The following TAP1 variants were observed in gnomAD, a reference collection of about 807,000 sequenced individuals.
TAP1 encodes transporter 1, ATP binding cassette subfamily B member.
In TAP1, 56 loss-of-function variants were observed where a neutral mutation model predicts 79.3. That is an observed-to-expected ratio of 0.71 (90% CI 0.57 to 0.88). The LOEUF (loss-of-function observed/expected upper bound fraction) is 0.88, where lower values mean the gene tolerates loss of function less well. Among genes scored for constraint, TAP1 ranks in the 40% least tolerant of loss-of-function variants. The pLI is 0.00. For missense variants in TAP1, 737 were observed against 936.3 expected (o/e 0.79, Z 2.78); for synonymous variants, 355 against 401.4 (o/e 0.88, Z 1.38).
rs541148983 is a variant in TAP1 at position 32,845,503 on chromosome 6, T to G, written c.*76A>C. The G allele has an allele frequency of 4.1e-3, 6,132 of 1,498,874 alleles. 45 individuals are homozygous for G. The Middle Eastern group carries it at 0.046, about 11-fold the overall frequency. The allele number at this position is 1,498,874 out of a possible 1,614,324, so 92.8% of individuals were successfully genotyped here. ...GTAACTCATCCTGGAGGCAGCTGCC[T>G]ACTCTGCAGCTGTGGTTCTCCACCA... On this transcript the variant is annotated 3_prime_UTR_variant, in exon 11 of 11. Transcript: ENST00000354258. This position sits in a 1 kb window ranked among gnomAD's most constrained non-coding sequence, Gnocchi z 4.5.
In TAP1 at chr6:32,847,467, A is replaced by G; in HGVS notation, c.1903+46T>C. 6.2e-7 allele frequency: 1 copy of G among 1,612,490 alleles called. No individual in the cohort carries two copies. Among genetic ancestry groups the G allele is most frequent in the Non-Finnish European group, 8.5e-7 (1 of 1,179,854 alleles). ...ATAAAGGCAAGACTACTGGGGTTTC[A>G]GCAAAGGTAAAGATGGCTGGGTGGT... On this transcript the variant is annotated intron_variant, in intron 9 of 10. Transcript: ENST00000354258. The surrounding 1 kb of genome is among the most constrained non-coding windows in gnomAD (Gnocchi z 4.7).
chr6:32,851,937 G>GAGAGAGAGAGAGAC lies in TAP1; in HGVS notation c.844+171_844+172insGTCTCTCTCTCTCT, dbSNP rs1554246378. Reference sequence around the variant, plus strand: ...TGTGTGTGTGTGTGAGAGAGAGAGAGAGAGAGACAGAGACAGAGAGAGAGA... The same window carrying GAGAGAGAGAGAGAC: ...TGTGTGTGTGTGTGAGAGAGAGAGAGAGAGAGAGAGAGACAGAGAGACAGAGACAGAGAGAGAGA... On this transcript the variant is annotated intron_variant, in intron 3 of 10. Transcript: ENST00000354258. This position sits in a 1 kb window ranked among gnomAD's most constrained non-coding sequence, Gnocchi z 4.8. Among the ~76,000 whole-genome samples, 6 of 151,224 alleles carry GAGAGAGAGAGAGAC rather than the reference G, an allele frequency of 4.0e-5. No individual in the cohort carries two copies. The highest frequency in any genetic ancestry group is 5.9e-5 in the Non-Finnish European group (4 of 67,828).
In TAP1 at chr6:32,848,360, C is replaced by T. The variant is rs17220220; in HGVS notation, c.1567-268G>A. ...ACCAGGAAAGGGAAAAATCACATTC[C>T]AAATTACAAAGGAAAAGGAAAGATG... On this transcript the variant is annotated intron_variant, in intron 7 of 10. Transcript: ENST00000354258. 21,247 of 620,408 alleles carry T rather than the reference C, an allele frequency of 0.034. 905 individuals are homozygous for T. The highest frequency in any genetic ancestry group is 0.14 in the African/African-American group (7,432 of 54,308). 38.4% of individuals were successfully genotyped at this position (620,408 alleles called of 1,614,324 possible).
Position 32,852,425 on chromosome 6 carries a change from G to T in TAP1, c.676C>A (p.Arg226=). The T allele has an allele frequency of 3.7e-6, 6 of 1,613,034 alleles. No individual in the cohort carries two copies. Among genetic ancestry groups the T allele is most frequent in the Non-Finnish European group, 5.1e-6 (6 of 1,180,032 alleles). Residue 226 remains arginine, a synonymous_variant, in exon 2 of 11, where the codon CGA becomes AGA. Coordinates refer to ENST00000354258, the MANE Select transcript of TAP1 (RefSeq NM_000593.6). The surrounding 1 kb of genome is among the most constrained non-coding windows in gnomAD (Gnocchi z 4.8). Reference sequence around the variant, plus strand: ...AGAATGGACATGAGAGTTAAGTTTCGAGTGAAGGTATCGGCTGAGCCATCT... The same window carrying T: ...AGAATGGACATGAGAGTTAAGTTTCTAGTGAAGGTATCGGCTGAGCCATCT... ...LQDGSADTFT[R]NLTLMSILTI...
At position 32,850,936 on chromosome 6, in the gene TAP1, G is replaced by C; in HGVS notation, c.1050+8C>G. ...TCTGTGTAGAGCGGGCCAACTCCATGAACATACCTGGTACCATTTTCCCAC... is the reference window on the plus strand; with the variant it reads ...TCTGTGTAGAGCGGGCCAACTCCATCAACATACCTGGTACCATTTTCCCAC... On this transcript the variant is annotated splice_region_variant and intron_variant, in intron 4 of 10. Coordinates refer to ENST00000354258, the MANE Select transcript of TAP1 (RefSeq NM_000593.6). This position sits in a 1 kb window ranked among gnomAD's most constrained non-coding sequence, Gnocchi z 5.5. The C allele has an allele frequency of 6.2e-7, 1 of 1,610,894 alleles. No homozygotes were observed. Among genetic ancestry groups the C allele is most frequent in the Non-Finnish European group, 8.5e-7 (1 of 1,179,312 alleles).
chr6:32,853,214 A>T lies in TAP1; in HGVS notation c.423T>A (p.Val141=). Residue 141 remains valine, a synonymous_variant, in exon 1 of 11, where the codon GTT becomes GTA. Transcript: ENST00000354258. The surrounding 1 kb of genome is among the most constrained non-coding windows in gnomAD (Gnocchi z 8.3). ...CGGGCAGTGCCGCTGCATAACTGAC[A>T]ACGAAGGCGGTAGGGTGACTTCCCC... ...LHWGSHPTAF[V]VSYAAALPAA... 6.2e-7 allele frequency: 1 copy of T among 1,611,268 alleles called. No homozygotes were observed. Among genetic ancestry groups the T allele is most frequent in the Non-Finnish European group, 8.5e-7 (1 of 1,179,204 alleles).
chr6:32,845,500 G>C lies in TAP1; in HGVS notation c.*79C>G. 2.0e-6 allele frequency: 3 copies of C among 1,503,786 alleles called. No individual in the cohort carries two copies. In the South Asian group the frequency reaches 3.4e-5, roughly 17 times the overall value. The allele number at this position is 1,503,786 out of a possible 1,614,324, so 93.2% of individuals were successfully genotyped here. On this transcript the variant is annotated 3_prime_UTR_variant, in exon 11 of 11. Coordinates refer to ENST00000354258, the MANE Select transcript of TAP1 (RefSeq NM_000593.6). The surrounding 1 kb of genome is among the most constrained non-coding windows in gnomAD (Gnocchi z 4.5). ...CAAGTAACTCATCCTGGAGGCAGCT[G>C]CCTACTCTGCAGCTGTGGTTCTCCA...
Position 32,845,291 on chromosome 6 carries a change from T to C in TAP1, c.*288A>G, listed in dbSNP as rs540011701. ...CATATGCCTTCAGTTATGTTGAAAA[T>C]AGCTGATCATCTTTCCGTACATTCT... On this transcript the variant is annotated 3_prime_UTR_variant, in exon 11 of 11. Coordinates refer to ENST00000354258, the MANE Select transcript of TAP1 (RefSeq NM_000593.6). The surrounding 1 kb of genome is among the most constrained non-coding windows in gnomAD (Gnocchi z 4.5). 104 of 560,154 alleles carry C rather than the reference T, an allele frequency of 1.9e-4. No homozygotes were observed. The highest frequency in any genetic ancestry group is 1.6e-3 in the African/African-American group (83 of 53,282). 34.7% of individuals were successfully genotyped at this position (560,154 alleles called of 1,614,324 possible).
Position 32,845,502 on chromosome 6 carries a change from C to A in TAP1, c.*77G>T, listed in dbSNP as rs1057373. 0.09 allele frequency: 135,098 copies of A among 1,497,186 alleles called. 6,750 individuals are homozygous for A. Among genetic ancestry groups the A allele is most frequent in the South Asian group, 0.15 (13,365 of 87,928 alleles). The allele number at this position is 1,497,186 out of a possible 1,614,324, so 92.7% of individuals were successfully genotyped here. ...AGTAACTCATCCTGGAGGCAGCTGC[C>A]TACTCTGCAGCTGTGGTTCTCCACC... On this transcript the variant is annotated 3_prime_UTR_variant, in exon 11 of 11. Coordinates refer to ENST00000354258, the MANE Select transcript of TAP1 (RefSeq NM_000593.6). This position sits in a 1 kb window ranked among gnomAD's most constrained non-coding sequence, Gnocchi z 4.5.
In TAP1 at chr6:32,850,278, T is replaced by C. The variant is rs1770702688; in HGVS notation, c.1248+42A>G. Reference sequence around the variant, plus strand: ...TAGGAATGGGAATGGAGTCACGGCATCTTAAGGACAAGGGAATGGGTATTC... The same window carrying C: ...TAGGAATGGGAATGGAGTCACGGCACCTTAAGGACAAGGGAATGGGTATTC... On this transcript the variant is annotated intron_variant, in intron 5 of 10. Coordinates refer to ENST00000354258, the MANE Select transcript of TAP1 (RefSeq NM_000593.6). The surrounding 1 kb of genome is among the most constrained non-coding windows in gnomAD (Gnocchi z 5.5). 3 of 1,594,864 alleles carry C rather than the reference T, an allele frequency of 1.9e-6. No individual in the cohort carries two copies. The highest frequency in any genetic ancestry group is 1.3e-5 in the African/African-American group (1 of 74,564).
chr6:32,852,934 C>A lies in TAP1; in HGVS notation c.598+105G>T. 1 of 1,498,182 alleles carries A rather than the reference C, an allele frequency of 6.7e-7. No homozygotes were observed. The allele number at this position is 1,498,182 out of a possible 1,614,324, so 92.8% of individuals were successfully genotyped here. A position where few individuals can be genotyped will look rare whatever the true frequency, so the allele number is the denominator to read the frequency against. On this transcript the variant is annotated intron_variant, in intron 1 of 10. Coordinates refer to ENST00000354258, the MANE Select transcript of TAP1 (RefSeq NM_000593.6). This position sits in a 1 kb window ranked among gnomAD's most constrained non-coding sequence, Gnocchi z 4.8. ...ACCCACGCTAGGAGTCCTTCTCCTGCTCCACATTTCCCAGAACCCACGCTA... is the reference window on the plus strand; with the variant it reads ...ACCCACGCTAGGAGTCCTTCTCCTGATCCACATTTCCCAGAACCCACGCTA...
Position 32,852,720 on chromosome 6 carries a change from G to T in TAP1, c.599-218C>A. The stretch of plus-strand genomic sequence containing the variant: ...GAACTTTCAGGATTTTATTAGGAAG[G>T]CTGGAGATCATGAAGTAGAAAAGCC... On this transcript the variant is annotated intron_variant, in intron 1 of 10. Coordinates refer to ENST00000354258, the MANE Select transcript of TAP1 (RefSeq NM_000593.6). The surrounding 1 kb of genome is among the most constrained non-coding windows in gnomAD (Gnocchi z 4.8). 2 of 1,455,960 alleles carry T rather than the reference G, an allele frequency of 1.4e-6. No homozygotes were observed. Among genetic ancestry groups the T allele is most frequent in the Admixed American group, 2.6e-5 (1 of 38,758 alleles). The allele number at this position is 1,455,960 out of a possible 1,614,324, so 90.2% of individuals were successfully genotyped here.
Position 32,848,672 on chromosome 6 carries a change from G to A in TAP1, c.1546C>T (p.Pro516Ser), listed in dbSNP as rs992510872. ...QDVSFAYPNR[P>S]DVLVLQGLTF... ...TGTACCTGTAGCACTAAGACATCTG[G>A]GCGGTTTGGGTAGGCAAAGGAGACA... The change falls in exon 7 of 11, where the codon CCA becomes TCA. Residue 516 changes from proline to serine, a missense_variant. Physicochemically the swap from Pro to Ser is moderately conservative, Grantham distance 74 (BLOSUM62 -1). Coordinates refer to ENST00000354258, the MANE Select transcript of TAP1 (RefSeq NM_000593.6). 3 of 1,614,096 alleles carry A rather than the reference G, an allele frequency of 1.9e-6. No individual in the cohort carries two copies. In the South Asian group the frequency reaches 3.3e-5, roughly 18 times the overall value.
Position 32,850,007 on chromosome 6 carries a change from A to C in TAP1, c.1248+313T>G. 6.1e-6 allele frequency: 3 copies of C among 489,540 alleles called. No homozygotes were observed. The highest frequency in any genetic ancestry group is 1.1e-5 in the Non-Finnish European group (3 of 268,120). The allele number at this position is 489,540 out of a possible 1,614,324, so 30.3% of individuals were successfully genotyped here. ...ACCAGCATGAAGCAGTCCCAGGTGC[A>C]AGAATTTATGGCGCCCTGCACTTCC... On this transcript the variant is annotated intron_variant, in intron 5 of 10. Coordinates refer to ENST00000354258, the MANE Select transcript of TAP1 (RefSeq NM_000593.6). The surrounding 1 kb of genome is among the most constrained non-coding windows in gnomAD (Gnocchi z 5.5).
At position 32,845,517 on chromosome 6, in the gene TAP1, G is replaced by T; in HGVS notation, c.*62C>A. 1 of 1,579,212 alleles carries T rather than the reference G, an allele frequency of 6.3e-7. No individual in the cohort carries two copies. The highest frequency in any genetic ancestry group is 2.2e-5 in the East Asian group (1 of 44,612). On this transcript the variant is annotated 3_prime_UTR_variant, in exon 11 of 11. Transcript: ENST00000354258. This position sits in a 1 kb window ranked among gnomAD's most constrained non-coding sequence, Gnocchi z 4.5. ...AGGCAGCTGCCTACTCTGCAGCTGT[G>T]GTTCTCCACCACAGAGAGAAGAAAA...
chr6:32,850,019 C>T lies in TAP1; in HGVS notation c.1248+301G>A, dbSNP rs1027605441. 15 of 506,936 alleles carry T rather than the reference C, an allele frequency of 3.0e-5. No individual in the cohort carries two copies. The highest frequency in any genetic ancestry group is 3.9e-5 in the Non-Finnish European group (11 of 279,180). The allele number at this position is 506,936 out of a possible 1,614,324, so 31.4% of individuals were successfully genotyped here. ...CAGTCCCAGGTGCAAGAATTTATGG[C>T]GCCCTGCACTTCCCCTGAGAGGCAA... On this transcript the variant is annotated intron_variant, in intron 5 of 10. Transcript: ENST00000354258. This position sits in a 1 kb window ranked among gnomAD's most constrained non-coding sequence, Gnocchi z 5.5.
At position 32,851,182 on chromosome 6, in the gene TAP1, T is replaced by C; in HGVS notation, c.845-33A>G. 4 of 1,601,536 alleles carry C rather than the reference T, an allele frequency of 2.5e-6. No individual in the cohort carries two copies. The highest frequency in any genetic ancestry group is 3.4e-6 in the Non-Finnish European group (4 of 1,171,198). On this transcript the variant is annotated intron_variant, in intron 3 of 10. Coordinates refer to ENST00000354258, the MANE Select transcript of TAP1 (RefSeq NM_000593.6). The surrounding 1 kb of genome is among the most constrained non-coding windows in gnomAD (Gnocchi z 4.8). Reference sequence around the variant, plus strand: ...GTTGGGGAGAAGAGAGTGAGGTGAATCAGACAGGTTCCAAGTGATGAGACG... The same window carrying C: ...GTTGGGGAGAAGAGAGTGAGGTGAACCAGACAGGTTCCAAGTGATGAGACG...
rs1448747624 is a variant in TAP1 at position 32,847,174 on chromosome 6, CCT to C, written c.1932_1933del (p.Gly646SerfsTer22). 1.3e-5 allele frequency: 21 copies of C among 1,612,468 alleles called. No homozygotes were observed. The East Asian group carries it at 1.3e-4, about 10-fold the overall frequency. On this transcript the variant is annotated frameshift_variant, in exon 10 of 11. Coordinates refer to ENST00000354258, the MANE Select transcript of TAP1 (RefSeq NM_000593.6). LOFTEE classifies it high-confidence loss of function. This position sits in a 1 kb window ranked among gnomAD's most constrained non-coding sequence, Gnocchi z 4.7. ...CAACGCCACTGCCTGTCGCTGACCC[CCT>C]GACAGCTGGCTCCCAGCCTCGTCTA...
chr6:32,852,242 A>G lies in TAP1; in HGVS notation c.714-3T>C, dbSNP rs1466005452. On this transcript the variant is annotated splice_region_variant and splice_polypyrimidine_tract_variant and intron_variant, in intron 2 of 10. Coordinates refer to ENST00000354258, the MANE Select transcript of TAP1 (RefSeq NM_000593.6). The surrounding 1 kb of genome is among the most constrained non-coding windows in gnomAD (Gnocchi z 4.8). Reference sequence around the variant, plus strand: ...CACCCACGAACTCCAGCACTGCACTATAAAGAACCCGGAAAAAAAGGGGAT... The same window carrying G: ...CACCCACGAACTCCAGCACTGCACTGTAAAGAACCCGGAAAAAAAGGGGAT... The G allele has an allele frequency of 1.1e-5, 18 of 1,612,886 alleles. No individual in the cohort carries two copies. Among genetic ancestry groups the G allele is most frequent in the Admixed American group, 1.7e-5 (1 of 59,988 alleles).
Sources: gnomAD v4.1 joint callset for allele counts (sites outside exome capture counted in the v4.1 genomes callset) on GRCh38, gnomAD v4.1.1 for gene constraint, Gnocchi (gnomAD v3.1) non-coding constraint, MANE v1.5 for transcripts, NCBI Gene and HGNC (gene_info 2026-07-23, HGNC 2026-07-21) for gene names.